The following ETF1 variants were observed in gnomAD, a reference collection of about 807,000 sequenced individuals.
The protein encoded by ETF1 is eukaryotic translation termination factor 1, also known as eukaryotic peptide chain release factor subunit 1.
ETF1 carries 4 observed loss-of-function variants against 55.1 expected under a neutral mutation model. The ratio of observed to expected loss-of-function variants is 0.07; its 90% CI spans 0.04 to 0.17. The LOEUF (loss-of-function observed/expected upper bound fraction) is 0.17, where lower values mean the gene tolerates loss of function less well. Among genes scored for constraint, ETF1 ranks in the 10% least tolerant of loss-of-function variants. The probability of loss-of-function intolerance (pLI) is 1.00; values close to 1 mark genes in which losing one functional copy is unlikely to be tolerated. For missense variants in ETF1, 142 were observed against 523.6 expected (o/e 0.27, Z 7.11); for synonymous variants, 157 against 182.3 (o/e 0.86, Z 1.12).
In ETF1 at chr5:138,528,258, G is replaced by C. The variant is rs552843347; in HGVS notation, c.87-9391C>G. 2.6e-5 allele frequency among the ~76,000 whole-genome samples: 4 copies of C among 152,322 alleles called. No homozygotes were observed. The South Asian group carries it at 8.3e-4, about 32-fold the overall frequency. On this transcript the variant is annotated intron_variant, in intron 2 of 10. Coordinates refer to ENST00000360541, the MANE Select transcript of ETF1 (RefSeq NM_004730.4). ...TTGGAACGTTTAAGGCTAAAGAGGG[G>C]AGAAATTTGGGACAAATTAACTGAG... is the stretch of plus-strand genomic sequence containing the variant.
At chr5:138,542,979 GT>G in intron 1 of ETF1, 43 bp from the exon 2 acceptor site, 1 of 1,575,336 alleles carries the variant, frequency 6.3e-7, no homozygotes, top group Non-Finnish European at 8.7e-7. Context: ...AGACCACAGA[GT>G]TAGCGCCGCC....
rs1448678347 is a variant in ETF1 at position 138,541,666 on chromosome 5, G to A, written c.86+1167C>T. 3.4e-6 allele frequency: 5 copies of A among 1,490,638 alleles called. No individual in the cohort carries two copies. In the African/African-American group the frequency reaches 5.6e-5, roughly 17 times the overall value. 92.3% of individuals were successfully genotyped at this position (1,490,638 alleles called of 1,614,324 possible). ...GGAAACCAGAATGTCAAATTCTTGT[G>A]CTGAAATCAACTTTTCACATGGCCT... is the stretch of plus-strand genomic sequence containing the variant. On this transcript the variant is annotated intron_variant, in intron 2 of 10. Coordinates refer to ENST00000360541, the MANE Select transcript of ETF1 (RefSeq NM_004730.4).
At chr5:138,536,996 CATAAGT>C (rs898889578) in intron 2 of ETF1, among the ~76,000 whole-genome samples, 16 of 152,140 alleles carry the variant, frequency 1.1e-4, no homozygotes, top group East Asian at 7.7e-4. Flanking sequence ...TCCCTGGAAG[CATAAGT>C]ATATCTGCTA....
At chr5:138,513,098 C>G in intron 5 of ETF1, 144 bp from the exon 6 acceptor site, 3 of 1,382,828 alleles carry the variant, frequency 2.2e-6, no homozygotes, top group Non-Finnish European at 2.8e-6. Context: ...TCAGCATAAA[C>G]TGCTACTTGT....
At chr5:138,513,449 C>T (rs944229668) in intron 5 of ETF1, 119 bp downstream of exon 5, 5 of 905,452 alleles carry the variant, frequency 5.5e-6, no homozygotes, top group Non-Finnish European at 8.5e-6. Context: ...CGTGATCCAC[C>T]CGGCTCGGCC....
At chr5:138,542,421 G>A (rs1296590649) in intron 2 of ETF1, among the ~76,000 whole-genome samples, 1 of 152,172 alleles carries the variant, frequency 6.6e-6, no homozygotes, top group African/African-American at 2.4e-5. Flanking sequence ...AATGAGGCCT[G>A]GCTGAGAAAT....
chr5:138,532,752 G>A (rs565921215), intron 2 of ETF1, among the ~76,000 whole-genome samples: 6 of 152,270 alleles, frequency 3.9e-5, no homozygotes, highest in East Asian at 1.9e-4. Flanking sequence ...CAGAACACTG[G>A]AAACTCTGTA....
chr5:138,541,653 G>A (rs1766180995), intron 2 of ETF1: 3 of 1,508,228 alleles, frequency 2.0e-6, no homozygotes, highest in East Asian at 2.5e-5. Flanking sequence ...AAACCAGAAT[G>A]TCAAATTCTT....
chr5:138,519,184 G>A, intron 2 of ETF1: 1 of 985,014 alleles, frequency 1.0e-6, no homozygotes, highest in Admixed American at 6.1e-5. Context: ...GTGTCAACAG[G>A]CTGGAATTTG....
At chr5:138,520,282 TAGAATGATTCTG>T (rs1395029785) in intron 2 of ETF1, among the ~76,000 whole-genome samples, 2 of 151,054 alleles carry the variant, frequency 1.3e-5, no homozygotes, top group Non-Finnish European at 2.9e-5. Flanking sequence ...CTCACAGAAG[TAGAATGATTCTG>T]AGAGACCCTT....
chr5:138,529,085 C>T (rs1406644585), intron 2 of ETF1, among the ~76,000 whole-genome samples: 1 of 152,042 alleles, frequency 6.6e-6, no homozygotes, highest in Non-Finnish European at 1.5e-5. Context: ...GCCAAGATCC[C>T]GCCATTGCAC....
At chr5:138,513,256 G>A (rs1764886775) in intron 5 of ETF1, 15 of 967,484 alleles carry the variant, frequency 1.6e-5, no homozygotes, top group Non-Finnish European at 1.7e-5. Flanking sequence ...TTTTGAGACA[G>A]AGTCTCACTC....
At chr5:138,537,889 A>G (rs551045668) in intron 2 of ETF1, among the ~76,000 whole-genome samples, 28 of 131,012 alleles carry the variant, frequency 2.1e-4, no homozygotes, top group Non-Finnish European at 4.6e-4. Flanking sequence ...CCCTATTATT[A>G]TTATTATTTT....
At chr5:138,540,630 G>T (rs1766133690) in intron 2 of ETF1, among the ~76,000 whole-genome samples, 1 of 152,158 alleles carries the variant, frequency 6.6e-6, no homozygotes, top group African/African-American at 2.4e-5. Flanking sequence ...ACCAAATCCT[G>T]ATTAAAAGCA....
In ETF1 at chr5:138,514,901, T is replaced by G. The variant is rs181874388; in HGVS notation, c.403-1195A>C. Among the ~76,000 whole-genome samples, 151 of 152,302 alleles carry G rather than the reference T, an allele frequency of 9.9e-4. 1 individual carries two copies. The highest frequency in any genetic ancestry group is 3.2e-3 in the African/African-American group (131 of 41,564). ...ACTACACACTTAGTTGATCTCTAAT[T>G]GCCAGGGGACAATCTCTTTGGAAGT... is the stretch of plus-strand genomic sequence containing the variant. On this transcript the variant is annotated intron_variant, in intron 4 of 10. Transcript: ENST00000360541.
At chr5:138,520,472 C>T (rs1765187383) in intron 2 of ETF1, among the ~76,000 whole-genome samples, 1 of 152,160 alleles carries the variant, frequency 6.6e-6, no homozygotes, top group South Asian at 2.1e-4. Flanking sequence ...CTACAACTTC[C>T]AAAGACACTT....
intron 4 of ETF1, among the ~76,000 whole-genome samples, chr5:138,516,723 C>T (rs772126332): frequency 1.3e-5 from 2 of 152,246 alleles, no homozygotes; most frequent in East Asian, 3.9e-4. Flanking sequence ...AATGGTACAA[C>T]GGTTTGGAAA....
At chr5:138,532,502 T>C (rs933742046) in intron 2 of ETF1, among the ~76,000 whole-genome samples, 8 of 152,202 alleles carry the variant, frequency 5.3e-5, no homozygotes, top group Non-Finnish European at 4.4e-5. Context: ...GATGGAGCTC[T>C]AGTTCTTGAC....
At chr5:138,524,022 CAA>C in intron 2 of ETF1, among the ~76,000 whole-genome samples, 1 of 152,108 alleles carries the variant, frequency 6.6e-6, no homozygotes, top group South Asian at 2.1e-4. Flanking sequence ...ACTAAAAATA[CAA>C]AAAGTTGCTG....
Sources: gnomAD v4.1 joint callset for allele counts (sites outside exome capture counted in the v4.1 genomes callset) on GRCh38, gnomAD v4.1.1 for gene constraint, MANE v1.5 for transcripts, NCBI Gene and HGNC (gene_info 2026-07-23, HGNC 2026-07-21) for gene names.